The following APC variants were observed in gnomAD, a reference collection of about 807,000 sequenced individuals.
APC encodes adenomatous polyposis coli protein.
APC carries 72 observed loss-of-function variants against 247.0 expected under a neutral mutation model. The ratio of observed to expected loss-of-function variants is 0.29; its 90% CI spans 0.24 to 0.35. APC has a LOEUF of 0.35. Ranked by LOEUF, APC falls within the 10% of genes least tolerant of loss-of-function variation. APC has a pLI of 1.00. For missense variants in APC, 3,400 were observed against 3,360.7 expected (o/e 1.01, Z -0.29); for synonymous variants, 1,254 against 1,162.5 (o/e 1.08, Z -1.60).
intron 1 of APC, among the ~76,000 whole-genome samples, chr5:112,731,464 A>G (rs1752095122): frequency 6.6e-6 from 1 of 152,152 alleles, no homozygotes; most frequent in Non-Finnish European, 1.5e-5. Context: ...CAAGCAAGGG[A>G]TCAAATTTGT....
rs863224285 is a variant in APC at position 112,840,898 on chromosome 5, G to A, written c.5304G>A (p.Lys1768=). The change falls in exon 16 of 16, where the codon AAG becomes AAA. Residue 1768 remains lysine, a synonymous_variant. Transcript: ENST00000257430. This position sits in a 1 kb window ranked among gnomAD's most constrained non-coding sequence, Gnocchi z 4.1. ...SAPNKNQLDG[K]KKKPTSPVKP... ...CCAACAAAAATCAGTTAGATGGTAA[G>A]AAAAAGAAACCAACTTCACCAGTAA... 9.3e-6 allele frequency: 15 copies of A among 1,613,810 alleles called. No homozygotes were observed. The highest frequency in any genetic ancestry group is 1.3e-5 in the Non-Finnish European group (15 of 1,179,768).
intron 8 of APC, among the ~76,000 whole-genome samples, chr5:112,801,961 T>A (rs1373210571): frequency 1.3e-5 from 2 of 152,086 alleles, no homozygotes; most frequent in Admixed American, 1.3e-4. Context: ...AGAACTGTTA[T>A]TTGTTATGCT....
chr5:112,774,955 C>T (rs956912268), intron 4 of APC, among the ~76,000 whole-genome samples: 6 of 152,118 alleles, frequency 3.9e-5, no homozygotes, highest in East Asian at 1.9e-4. Context: ...CAAAGAGCCA[C>T]GTGAAAAGAG....
chr5:112,732,188 C>T (rs1309298593), intron 1 of APC, among the ~76,000 whole-genome samples: 1 of 152,170 alleles, frequency 6.6e-6, no homozygotes, highest in Non-Finnish European at 1.5e-5. Context: ...GTAAGCAAGT[C>T]CTGAGGCTGT....
intron 4 of APC, among the ~76,000 whole-genome samples, chr5:112,773,479 T>C (rs1031638323): frequency 3.3e-5 from 5 of 152,154 alleles, no homozygotes; most frequent in Admixed American, 6.5e-5. Context: ...GTCAAAAATA[T>C]ATATATAACT....
At chr5:112,717,718 T>C (rs1403356821) in intron 1 of APC, among the ~76,000 whole-genome samples, 2 of 152,092 alleles carry the variant, frequency 1.3e-5, no homozygotes, top group Non-Finnish European at 2.9e-5. Context: ...AAGCTGTGAT[T>C]AGGCATCGGA....
chr5:112,804,630 G>A (rs895168253), intron 8 of APC, among the ~76,000 whole-genome samples: 4 of 152,072 alleles, frequency 2.6e-5, no homozygotes, highest in East Asian at 3.9e-4. Flanking sequence ...CTCCCGCCTC[G>A]GCCTCCCAAA....
At chr5:112,786,643 T>G (rs1327730667) in intron 6 of APC, among the ~76,000 whole-genome samples, 1 of 152,198 alleles carries the variant, frequency 6.6e-6, no homozygotes, top group Non-Finnish European at 1.5e-5. Flanking sequence ...CCCTAGTTGA[T>G]GGACACTTAA....
At chr5:112,788,112 C>A (rs1759181373) in intron 6 of APC, among the ~76,000 whole-genome samples, 1 of 152,094 alleles carries the variant, frequency 6.6e-6, no homozygotes, top group Non-Finnish European at 1.5e-5. Context: ...TTTATATATG[C>A]TGGATATTTC....
At chr5:112,822,197 C>T (rs1418818562) in intron 11 of APC, among the ~76,000 whole-genome samples, 1 of 152,076 alleles carries the variant, frequency 6.6e-6, no homozygotes, top group Non-Finnish European at 1.5e-5. Flanking sequence ...ATCACAGAAA[C>T]TGCTACCCTG....
At chr5:112,836,165 T>TGCCCCCCCCCC in intron 15 of APC, among the ~76,000 whole-genome samples, 1 of 24,492 alleles carries the variant, frequency 4.1e-5, no homozygotes, top group Non-Finnish European at 8.5e-5. Flanking sequence ...GGATTACAGG[T>TGCCCCCCCCCC]CCCCCCCCCC....
intron 1 of APC, among the ~76,000 whole-genome samples, chr5:112,727,592 T>C (rs1751859991): frequency 1.3e-5 from 2 of 152,208 alleles, no homozygotes; most frequent in Admixed American, 1.3e-4. Context: ...ATTTGTGTGT[T>C]ATAAACTGAT....
In APC at chr5:112,838,387, T is replaced by G. The variant is rs1396408011; in HGVS notation, c.2793T>G (p.His931Gln). The G allele has an allele frequency of 6.2e-7, 1 of 1,614,192 alleles. No individual in the cohort carries two copies. The highest frequency in any genetic ancestry group is 1.1e-5 in the South Asian group (1 of 91,090). The change falls in exon 16 of 16, where the codon CAT becomes CAG. Residue 931 changes from histidine (H) to glutamine (Q), a missense_variant. By Grantham distance (24) the His-to-Gln change is conservative (BLOSUM62 0). Transcript: ENST00000257430. ...GAAGAAGCTCTGCTGCCCATACACA[T>G]TCAAACACTTACAATTTCACTAAGT... ...ALRRSSAAHTHSNTYNFTKSE... is the reference protein window; with the variant it reads ...ALRRSSAAHTQSNTYNFTKSE...
chr5:112,788,419 T>G (rs922004329), intron 6 of APC, among the ~76,000 whole-genome samples: 1 of 152,308 alleles, frequency 6.6e-6, no homozygotes, highest in African/African-American at 2.4e-5. Flanking sequence ...AACCAGACCT[T>G]CTATATTCAA....
At chr5:112,830,282 G>A (rs1354486315) in intron 14 of APC, among the ~76,000 whole-genome samples, 1 of 152,100 alleles carries the variant, frequency 6.6e-6, no homozygotes, top group Non-Finnish European at 1.5e-5. Flanking sequence ...TTTAAGAAAA[G>A]AACATGGCCG....
At chr5:112,830,738 A>T (rs1442150433) in intron 14 of APC, among the ~76,000 whole-genome samples, 1 of 152,226 alleles carries the variant, frequency 6.6e-6, no homozygotes, top group Non-Finnish European at 1.5e-5. Flanking sequence ...ACATGCAGTA[A>T]TCTGTAATGA....
intron 1 of APC, among the ~76,000 whole-genome samples, chr5:112,712,712 C>T (rs1306092911): frequency 6.6e-6 from 1 of 152,106 alleles, no homozygotes; most frequent in East Asian, 1.9e-4. Context: ...TTGTATTCCT[C>T]TTCCCCCGAT....
rs1322018777 is a variant in APC at position 112,834,996 on chromosome 5, G to T, written c.1789G>T (p.Ala597Ser). 6.2e-7 allele frequency: 1 copy of T among 1,614,092 alleles called. No individual in the cohort carries two copies. Among genetic ancestry groups the T allele is most frequent in the Non-Finnish European group, 8.5e-7 (1 of 1,179,990 alleles). Residue 597 changes from alanine (A) to serine (S), a missense_variant, in exon 15 of 16, where the codon GCA becomes TCA. Physicochemically the swap from Ala to Ser is moderately conservative, Grantham distance 99 (BLOSUM62 1). Coordinates refer to ENST00000257430, the MANE Select transcript of APC (RefSeq NM_000038.6). ...ATTGAGTGCCTTATGGAATTTGTCA[G>T]CACATTGCACTGAGAATAAAGCTGA... ...SVLSALWNLS[A>S]HCTENKADIC...
At position 112,775,648 on chromosome 5, in the gene APC, C is replaced by A. The variant is rs774964663; in HGVS notation, c.442C>A (p.Leu148Ile). The change falls in exon 5 of 16, where the codon CTT becomes ATT. Residue 148 changes from leucine (L) to isoleucine (I), a missense_variant. Physicochemically the swap from Leu to Ile is conservative, Grantham distance 5. This residue lies in a region of APC where 372 missense variants were observed against 367.6 expected (regional missense o/e 1.01). Transcript: ENST00000257430. ...EKERSLLLAD[L>I]DKEEKEKDWY... The stretch of plus-strand genomic sequence containing the variant: ...AAATAGGTCATTGCTTCTTGCTGAT[C>A]TTGACAAAGAAGAAAAGGAAAAAGA... The A allele has an allele frequency of 2.5e-6, 4 of 1,601,534 alleles. No individual in the cohort carries two copies. The highest frequency in any genetic ancestry group is 3.4e-6 in the Non-Finnish European group (4 of 1,173,402).
Sources: allele counts gnomAD v4.1 joint callset (sites outside exome capture counted in the v4.1 genomes callset), GRCh38; gene constraint gnomAD v4.1.1; regional missense constraint gnomAD v4.1.1; non-coding constraint Gnocchi (gnomAD v3.1); transcripts MANE v1.5; gene names NCBI Gene and HGNC (gene_info 2026-07-23, HGNC 2026-07-21).